Variants in PTPRD observed in about 807,000 individuals in gnomAD.
The protein encoded by PTPRD is protein tyrosine phosphatase receptor type D.
Under a neutral mutation model 214.5 loss-of-function variants are expected in PTPRD, and 34 were observed. The observed-to-expected ratio is 0.16, with a 90% CI of 0.12 to 0.21. The LOEUF (loss-of-function observed/expected upper bound fraction) is 0.21. PTPRD is among the 10% of genes least tolerant of loss of function. The pLI is 1.00. For missense variants in PTPRD, 2,545 were observed against 2,398.7 expected (o/e 1.06, Z -1.27); for synonymous variants, 1,128 against 845.7 (o/e 1.33, Z -5.79).
chr9:8,965,937 A>G (rs1387847071), intron 11 of PTPRD, among the ~76,000 whole-genome samples: 2 of 152,156 alleles, frequency 1.3e-5, no homozygotes, highest in Non-Finnish European at 2.9e-5. Context: ...AATTTTAGCA[A>G]GGTTTCAGAA....
intron 11 of PTPRD, among the ~76,000 whole-genome samples, chr9:8,897,995 G>T (rs994888025): frequency 6.6e-6 from 1 of 152,154 alleles, no homozygotes; most frequent in Non-Finnish European, 1.5e-5. Flanking sequence ...CAACATTCAT[G>T]ACACATTTTC....
chr9:8,586,225 G>A (rs565268128), intron 14 of PTPRD, among the ~76,000 whole-genome samples: 11 of 152,104 alleles, frequency 7.2e-5, no homozygotes, highest in African/African-American at 2.4e-4. Flanking sequence ...GCTAGAACCC[G>A]GGAGGTGGAA....
chr9:8,336,309 CATCTT>C (rs1160769547), intron 43 of PTPRD, among the ~76,000 whole-genome samples: 1 of 149,204 alleles, frequency 6.7e-6, no homozygotes, highest in Non-Finnish European at 1.5e-5. Flanking sequence ...CATCTGCAAA[CATCTT>C]ATCTTTGACA....
intron 33 of PTPRD, among the ~76,000 whole-genome samples, chr9:8,450,272 C>T (rs912643114): frequency 3.3e-5 from 5 of 152,070 alleles, no homozygotes; most frequent in Non-Finnish European, 7.4e-5. Context: ...AAATCTGTCC[C>T]CCTTAGCCCT....
chr9:8,454,241 A>T (rs2096084968), intron 33 of PTPRD, among the ~76,000 whole-genome samples: 1 of 152,216 alleles, frequency 6.6e-6, no homozygotes, highest in South Asian at 2.1e-4. Context: ...AACAAAACAA[A>T]ACAGTTTATG....
At chr9:9,356,991 C>T (rs1330281812) in intron 9 of PTPRD, among the ~76,000 whole-genome samples, 4 of 151,224 alleles carry the variant, frequency 2.6e-5, no homozygotes, top group Non-Finnish European at 4.4e-5. Context: ...ATAAAGCATC[C>T]AAGGGGGATT....
At chr9:8,909,832 C>G (rs1587853215) in intron 11 of PTPRD, among the ~76,000 whole-genome samples, 1 of 110,478 alleles carries the variant, frequency 9.1e-6, no homozygotes, top group Non-Finnish European at 1.8e-5. Context: ...GGGATGGGAA[C>G]AGGAAAGGGA....
intron 5 of PTPRD, among the ~76,000 whole-genome samples, chr9:9,923,493 A>G (rs922673331): frequency 1.3e-5 from 2 of 151,720 alleles, no homozygotes; most frequent in African/African-American, 4.8e-5. Context: ...ACACAAAAAA[A>G]TCGATCTCCA....
intron 9 of PTPRD, among the ~76,000 whole-genome samples, chr9:9,278,436 T>C (rs1189374948): frequency 1.3e-5 from 2 of 151,354 alleles, no homozygotes; most frequent in African/African-American, 2.4e-5. Context: ...AAATAATATA[T>C]GAGAAGATAC....
chr9:9,440,685 T>C (rs1350407179), intron 8 of PTPRD, among the ~76,000 whole-genome samples: 1 of 152,214 alleles, frequency 6.6e-6, no homozygotes, highest in Non-Finnish European at 1.5e-5. Flanking sequence ...CTTCAAGAAA[T>C]CTATTTGTTC....
At chr9:9,324,507 C>T (rs1313515829) in intron 9 of PTPRD, among the ~76,000 whole-genome samples, 6 of 152,178 alleles carry the variant, frequency 3.9e-5, no homozygotes, top group African/African-American at 7.2e-5. Flanking sequence ...AGTGTCTGTT[C>T]ATATCCTTTG....
intron 9 of PTPRD, among the ~76,000 whole-genome samples, chr9:9,292,523 T>C (rs1442621643): frequency 1.3e-5 from 2 of 151,514 alleles, no homozygotes; most frequent in Non-Finnish European, 3.0e-5. Context: ...AGTTCTCATA[T>C]ACTCCACATC....
chr9:8,821,153 T>C (rs77444362), intron 11 of PTPRD, among the ~76,000 whole-genome samples: 5,653 of 152,278 alleles, frequency 0.037, 151 homozygotes, highest in Middle Eastern at 0.075. Context: ...GGTATTTTCT[T>C]GAACTATGGG....
chr9:10,598,706 TGTGTG>T lies in PTPRD; in HGVS notation c.-600+13687_-600+13691del, dbSNP rs1465208629. Among the ~76,000 whole-genome samples the T allele has an allele frequency of 2.3e-3, 140 of 61,842 alleles. No individual in the cohort carries two copies. The South Asian group carries it at 0.028, about 12-fold the overall frequency. 40.6% of individuals were successfully genotyped at this position (61,842 alleles called of 152,430 possible). ...TGTGTGTGTGTGTGTGTGTGTGTGG[TGTGTG>T]GTGTGTGTGTGTGTGTGTGTGTAGA... On this transcript the variant is annotated intron_variant, in intron 2 of 45. Transcript: ENST00000381196.
rs368993193 is a variant in PTPRD at position 9,987,590 on chromosome 9, A to G, written c.-472+46128T>C. Reference sequence around the variant, plus strand: ...ATGTGGGAATTATGGGAGCTACGAGATGAGATTTGGGTGGGGATGTTAGCC... The same window carrying G: ...ATGTGGGAATTATGGGAGCTACGAGGTGAGATTTGGGTGGGGATGTTAGCC... On this transcript the variant is annotated intron_variant, in intron 4 of 45. Coordinates refer to ENST00000381196, the MANE Select transcript of PTPRD (RefSeq NM_002839.4). 1.2e-4 allele frequency among the ~76,000 whole-genome samples: 18 copies of G among 152,288 alleles called. No individual in the cohort carries two copies. The East Asian group carries it at 3.3e-3, about 28-fold the overall frequency.
intron 33 of PTPRD, among the ~76,000 whole-genome samples, chr9:8,458,223 T>A (rs576250783): frequency 6.6e-6 from 1 of 152,150 alleles, no homozygotes; most frequent in Non-Finnish European, 1.5e-5. Flanking sequence ...TTTGTGGGAT[T>A]AGGAAAAATT....
intron 30 of PTPRD, among the ~76,000 whole-genome samples, chr9:8,479,541 T>C (rs950898086): frequency 6.6e-6 from 1 of 152,086 alleles, no homozygotes; most frequent in Non-Finnish European, 1.5e-5. Flanking sequence ...ACAAAAAAAA[T>C]TGAACAAGCT....
intron 4 of PTPRD, among the ~76,000 whole-genome samples, chr9:10,014,543 C>T (rs1340254348): frequency 6.6e-6 from 1 of 151,868 alleles, no homozygotes; most frequent in Non-Finnish European, 1.5e-5. Flanking sequence ...TAATGCATTT[C>T]CTTACAAAAT....
chr9:9,125,823 T>A (rs747922984), intron 10 of PTPRD, among the ~76,000 whole-genome samples: 6 of 152,104 alleles, frequency 3.9e-5, no homozygotes, highest in Non-Finnish European at 8.8e-5. Context: ...ATAAAGAGTA[T>A]CATCAAATAA....
Sources: allele counts gnomAD v4.1 joint callset (sites outside exome capture counted in the v4.1 genomes callset), GRCh38; gene constraint gnomAD v4.1.1; transcripts MANE v1.5; gene names NCBI Gene and HGNC (gene_info 2026-07-23, HGNC 2026-07-21).